The following COL27A1 variants were observed in gnomAD, a reference collection of about 807,000 sequenced individuals.
COL27A1 encodes the protein collagen alpha-1(XXVII) chain.
In COL27A1, 106 loss-of-function variants were observed where a neutral mutation model predicts 251.3. The ratio of observed to expected loss-of-function variants is 0.42; its 90% CI spans 0.36 to 0.50. The LOEUF (loss-of-function observed/expected upper bound fraction) is 0.50. COL27A1 is among the 20% of genes least tolerant of loss of function. The probability of loss-of-function intolerance (pLI) is 0.00; values close to 1 mark genes in which losing one functional copy is unlikely to be tolerated. For missense variants in COL27A1, 2,325 were observed against 2,522.8 expected, an observed-to-expected ratio of 0.92 and a Z score of 1.68; for synonymous variants, 1,000 against 986.3, an observed-to-expected ratio of 1.01 and a Z score of -0.26.
At position 114,245,860 on chromosome 9, in the gene COL27A1, T is replaced by C; in HGVS notation, c.2935-6T>C. The C allele has an allele frequency of 6.2e-7, 1 of 1,613,346 alleles. No homozygotes were observed. The highest frequency in any genetic ancestry group is 1.7e-5 in the Admixed American group (1 of 59,940). On this transcript the variant is annotated splice_polypyrimidine_tract_variant and splice_region_variant and intron_variant, in intron 23 of 60. Coordinates refer to ENST00000356083, the MANE Select transcript of COL27A1 (RefSeq NM_032888.4). Reference sequence around the variant, plus strand: ...CCAATCCATCCTCCTCTTTGTCTCTTTGCAGGGGGAACCAGGGGATCCTGG... The same window carrying C: ...CCAATCCATCCTCCTCTTTGTCTCTCTGCAGGGGGAACCAGGGGATCCTGG...
intron 59 of COL27A1, among the ~76,000 whole-genome samples, 153 bp from the exon 60 acceptor site, chr9:114,309,107 C>T (rs1318890312): frequency 2.0e-5 from 3 of 152,142 alleles, no homozygotes; most frequent in East Asian, 3.9e-4. Context: ...TCAGTTTCCC[C>T]GTCTATCAAG....
At position 114,178,299 on chromosome 9, in the gene COL27A1, T is replaced by C; in HGVS notation, c.1917T>C (p.Pro639=). The change falls in exon 4 of 61, where the codon CCT becomes CCC. Residue 639 remains proline, a synonymous_variant. Coordinates refer to ENST00000356083, the MANE Select transcript of COL27A1 (RefSeq NM_032888.4). Reference sequence around the variant, plus strand: ...TCTTGTTTTCTCCTCAGGGTCCCCCTGGGCTACCTGGGCTACCTGGAATCC... The same window carrying C: ...TCTTGTTTTCTCCTCAGGGTCCCCCCGGGCTACCTGGGCTACCTGGAATCC... The part of the protein sequence containing the change: ...PKGDCGLPGP[P]GLPGLPGIPG... 6.2e-7 allele frequency: 1 copy of C among 1,613,638 alleles called. No homozygotes were observed.
chr9:114,156,035 C>G, intron 1 of COL27A1, 23 bp downstream of exon 1: 1 of 1,297,236 alleles, frequency 7.7e-7, no homozygotes, highest in Non-Finnish European at 9.8e-7. Context: ...TCGGGGACGC[C>G]CCCTCCCTAG....
intron 37 of COL27A1, among the ~76,000 whole-genome samples, chr9:114,277,671 A>T (rs1421454725): frequency 6.6e-6 from 1 of 152,202 alleles, no homozygotes; most frequent in African/African-American, 2.4e-5. Context: ...GGCTTGACTC[A>T]GTGGCGGGCT....
At chr9:114,223,955 G>A (rs1017737015) in intron 14 of COL27A1, among the ~76,000 whole-genome samples, 1 of 152,098 alleles carries the variant, frequency 6.6e-6, no homozygotes, top group African/African-American at 2.4e-5. Context: ...GCAGCTATCC[G>A]GGTTACTGAA....
At chr9:114,255,094 A>G (rs1833832331) in intron 27 of COL27A1, among the ~76,000 whole-genome samples, 1 of 152,202 alleles carries the variant, frequency 6.6e-6, no homozygotes, top group Non-Finnish European at 1.5e-5. Context: ...TGGAAGCAGA[A>G]GCCAGCACTC....
chr9:114,301,394 A>G (rs1588895896), intron 53 of COL27A1, 51 bp from the exon 54 acceptor site: 10 of 1,588,610 alleles, frequency 6.3e-6, no homozygotes, highest in Non-Finnish European at 8.6e-6. Context: ...GAGTTGGGCC[A>G]TGGCTCAGCC....
chr9:114,260,002 G>C (rs1034511039), intron 28 of COL27A1, among the ~76,000 whole-genome samples: 4 of 149,080 alleles, frequency 2.7e-5, no homozygotes, highest in African/African-American at 9.8e-5. Context: ...GGGTGGGGGG[G>C]GGGTCTCTTC....
At chr9:114,198,787 C>T (rs904739712) in intron 7 of COL27A1, among the ~76,000 whole-genome samples, 4 of 152,138 alleles carry the variant, frequency 2.6e-5, no homozygotes, top group Admixed American at 6.5e-5. Flanking sequence ...GGGGAAGACA[C>T]GCAAACCAGG....
At chr9:114,216,435 G>A (rs1470707696) in intron 12 of COL27A1, among the ~76,000 whole-genome samples, 2 of 152,210 alleles carry the variant, frequency 1.3e-5, no homozygotes, top group Non-Finnish European at 2.9e-5. Flanking sequence ...GTTGAAGTGG[G>A]GGCTATACAT....
At chr9:114,240,081 CA>C (rs1832652320) in intron 19 of COL27A1, 138 bp from the exon 20 acceptor site, 1 of 766,790 alleles carries the variant, frequency 1.3e-6, no homozygotes, top group African/African-American at 1.7e-5. Context: ...ACTGTGGGAT[CA>C]AGGTGGTTAA....
intron 7 of COL27A1, among the ~76,000 whole-genome samples, chr9:114,200,288 T>G (rs1829474531): frequency 6.6e-6 from 1 of 152,206 alleles, no homozygotes; most frequent in Non-Finnish European, 1.5e-5. Flanking sequence ...GTCCAAGTCC[T>G]GCTCCTCCCC....
intron 58 of COL27A1, 37 bp downstream of exon 58, chr9:114,306,725 C>A (rs201241869): frequency 1.9e-6 from 3 of 1,602,574 alleles, no homozygotes; most frequent in Non-Finnish European, 2.6e-6. Flanking sequence ...GTGCGCCTGG[C>A]GGTGGGGAGC....
At chr9:114,205,581 A>T (rs1829895410) in intron 8 of COL27A1, among the ~76,000 whole-genome samples, 178 bp from the exon 9 acceptor site, 1 of 152,124 alleles carries the variant, frequency 6.6e-6, no homozygotes, top group Non-Finnish European at 1.5e-5. Context: ...TGTCCCTCAG[A>T]GCTGGTCTGA....
chr9:114,161,244 T>C (rs1848478023), intron 1 of COL27A1, among the ~76,000 whole-genome samples: 1 of 152,210 alleles, frequency 6.6e-6, no homozygotes, highest in Non-Finnish European at 1.5e-5. Context: ...AAACCTTCTC[T>C]GTCCCTTTGA....
intron 1 of COL27A1, among the ~76,000 whole-genome samples, chr9:114,157,984 G>GT (rs756096994): frequency 1.3e-5 from 2 of 152,226 alleles, no homozygotes; most frequent in Non-Finnish European, 2.9e-5. Context: ...TTGAATGGGT[G>GT]TGTGAGTCAA....
intron 3 of COL27A1, among the ~76,000 whole-genome samples, chr9:114,176,434 A>T (rs949009857): frequency 5.3e-5 from 8 of 151,708 alleles, no homozygotes; most frequent in African/African-American, 1.9e-4. Context: ...CTTGTTATAG[A>T]TTATCTGTCG....
chr9:114,244,179 C>A (rs1233094010), intron 23 of COL27A1, among the ~76,000 whole-genome samples: 1 of 152,020 alleles, frequency 6.6e-6, no homozygotes, highest in Non-Finnish European at 1.5e-5. Flanking sequence ...CTTTGGGAAG[C>A]TAAGGCAGGC....
chr9:114,209,470 G>A lies in COL27A1; in HGVS notation c.2269-205G>A, dbSNP rs552585852. The A allele has an allele frequency of 8.6e-5, 67 of 776,640 alleles. No individual in the cohort carries two copies. In the East Asian group the frequency reaches 1.4e-3, roughly 16 times the overall value. 48.1% of individuals were successfully genotyped at this position (776,640 alleles called of 1,614,324 possible). A position where few individuals can be genotyped will look rare whatever the true frequency, so the allele number is the denominator to read the frequency against. On this transcript the variant is annotated intron_variant, in intron 10 of 60. Coordinates refer to ENST00000356083, the MANE Select transcript of COL27A1 (RefSeq NM_032888.4). Reference sequence around the variant, plus strand: ...AGGGTATGTGCCTTTGGACTACATCGTGGAAGCCAGCACCATGCAGTCCAT... The same window carrying A: ...AGGGTATGTGCCTTTGGACTACATCATGGAAGCCAGCACCATGCAGTCCAT...
Sources: gnomAD v4.1 joint callset for allele counts (sites outside exome capture counted in the v4.1 genomes callset) on GRCh38, gnomAD v4.1.1 for gene constraint, MANE v1.5 for transcripts, NCBI Gene and HGNC (gene_info 2026-07-23, HGNC 2026-07-21) for gene names.